ENTPD1: variants seen among roughly 807,000 people sequenced by gnomAD.
ENTPD1 encodes ATP diphosphohydrolase.
A neutral mutation model predicts 57.0 loss-of-function variants in ENTPD1; 33 were observed. The ratio of observed to expected loss-of-function variants is 0.58; its 90% confidence interval spans 0.44 to 0.77. The LOEUF (loss-of-function observed/expected upper bound fraction) is 0.77. ENTPD1 is among the 30% of genes least tolerant of loss of function. The pLI, the probability that ENTPD1 is intolerant of heterozygous loss-of-function variation, is 0.00. For synonymous variants in ENTPD1, 202 were observed against 218.8 expected (o/e 0.92, Z 0.68); for missense variants, 501 against 603.4 (o/e 0.83, Z 1.78).
chr10:95,752,665 CA>C (rs1232608158), upstream of ENTPD1, among the ~76,000 whole-genome samples: 7 of 150,262 alleles, frequency 4.7e-5, no homozygotes, highest in South Asian at 2.1e-4. Flanking sequence ...AACTCTGTCT[CA>C]AAAAAAAAGT....
intron 2 of ENTPD1, among the ~76,000 whole-genome samples, chr10:95,837,727 CTA>C (rs1461824213): frequency 2.0e-5 from 3 of 152,092 alleles, no homozygotes; most frequent in African/African-American, 7.2e-5. Context: ...TTAGCTTTTC[CTA>C]GTGGTCCAGG....
intron 1 of ENTPD1, among the ~76,000 whole-genome samples, chr10:95,815,375 T>G (rs2098326497): frequency 6.6e-6 from 1 of 152,212 alleles, no homozygotes; most frequent in African/African-American, 2.4e-5. Flanking sequence ...GTCTCAGCCT[T>G]TTGTCACTTA....
At chr10:95,829,953 T>C (rs1197459998) in intron 2 of ENTPD1, among the ~76,000 whole-genome samples, 1 of 152,142 alleles carries the variant, frequency 6.6e-6, no homozygotes, top group Non-Finnish European at 1.5e-5. Context: ...AAAGCTAGTT[T>C]GGCTCTCAGT....
intron 1 of ENTPD1, among the ~76,000 whole-genome samples, chr10:95,767,778 T>C (rs1443247006): frequency 6.6e-6 from 1 of 152,150 alleles, no homozygotes; most frequent in Non-Finnish European, 1.5e-5. Context: ...TATTCCTCCA[T>C]TGTCTTGAGA....
At chr10:95,698,008 C>T in the ENTPD1 span, among the ~76,000 whole-genome samples, 3 of 152,096 alleles carry the variant, frequency 2.0e-5, no homozygotes, top group Non-Finnish European at 4.4e-5. Flanking sequence ...TCTGGCGAGA[C>T]TCAGAAAACA....
chr10:95,778,862 A>G (rs909096846), intron 1 of ENTPD1, among the ~76,000 whole-genome samples: 4 of 151,842 alleles, frequency 2.6e-5, no homozygotes, highest in African/African-American at 7.3e-5. Context: ...ATCTTACTTA[A>G]TCTTCACTCA....
chr10:95,712,732 C>T (rs2097967015), intron 1 of ENTPD1, among the ~76,000 whole-genome samples: 1 of 152,078 alleles, frequency 6.6e-6, no homozygotes, highest in Non-Finnish European at 1.5e-5. Flanking sequence ...GCACAAACAC[C>T]AGCCTTAATA....
chr10:95,828,599 C>T lies in ENTPD1; in HGVS notation c.144+5235C>T, dbSNP rs145613474. On this transcript the variant is annotated intron_variant, in intron 2 of 9. Transcript: ENST00000371205. ...AAGGGTGAATAGGGAAAGAATTCCT[C>T]CTAAGGCATAATGATAACATTATTT... Among the ~76,000 whole-genome samples, 5 of 152,190 alleles carry T rather than the reference C, an allele frequency of 3.3e-5. No individual in the cohort carries two copies. In the East Asian group the frequency reaches 9.7e-4, roughly 29 times the overall value.
chr10:95,781,001 A>T (rs960251341), intron 1 of ENTPD1, among the ~76,000 whole-genome samples: 16 of 152,230 alleles, frequency 1.1e-4, no homozygotes, highest in Admixed American at 9.8e-4. Context: ...TAAGATTTGG[A>T]AGCAACCTAA....
chr10:95,719,035 G>A (rs964735155), intron 1 of ENTPD1, among the ~76,000 whole-genome samples: 1 of 152,212 alleles, frequency 6.6e-6, no homozygotes, highest in Admixed American at 6.5e-5. Context: ...TCCTTTAGCA[G>A]TGAGTATGCT....
At chr10:95,843,915 T>TAGGTCTCA (rs1381717631) in intron 4 of ENTPD1, among the ~76,000 whole-genome samples, 1 of 152,218 alleles carries the variant, frequency 6.6e-6, no homozygotes, top group East Asian at 1.9e-4. Flanking sequence ...ATTCCTTCTT[T>TAGGTCTCA]AGGTCTCAAG....
At chr10:95,714,630 CCAAA>C (rs2097969471) in intron 1 of ENTPD1, among the ~76,000 whole-genome samples, 3 of 152,224 alleles carry the variant, frequency 2.0e-5, no homozygotes, top group South Asian at 2.1e-4. Flanking sequence ...ATGTATTATA[CCAAA>C]CAGAGATGAA....
intron 1 of ENTPD1, among the ~76,000 whole-genome samples, chr10:95,719,690 G>A (rs1011043934): frequency 6.6e-6 from 1 of 152,132 alleles, no homozygotes. Context: ...GTTTCTGAAC[G>A]GGCGGCTAAA....
At chr10:95,765,454 T>C (rs760106157) in intron 1 of ENTPD1, among the ~76,000 whole-genome samples, 4 of 152,184 alleles carry the variant, frequency 2.6e-5, no homozygotes, top group Non-Finnish European at 5.9e-5. Context: ...TATTATTTTC[T>C]CCAGTGAATT....
chr10:95,803,199 T>C (rs1174071980), intron 1 of ENTPD1, among the ~76,000 whole-genome samples: 6 of 152,176 alleles, frequency 3.9e-5, no homozygotes, highest in Admixed American at 6.5e-5. Context: ...GCATGGAATG[T>C]TTTTCCATTT....
At chr10:95,755,708 A>C, upstream of ENTPD1, 1 of 1,537,208 alleles carries the variant, frequency 6.5e-7, no homozygotes, top group Non-Finnish European at 8.7e-7. Context: ...ATGGGACCAG[A>C]GGCTTTATGG....
At chr10:95,698,551 G>T in the ENTPD1 span, among the ~76,000 whole-genome samples, 88 of 152,330 alleles carry the variant, frequency 5.8e-4, no homozygotes, top group South Asian at 0.017. Flanking sequence ...AGATCCCAAA[G>T]GCATTTCAAA....
Position 95,866,824 on chromosome 10 carries a change from A to G in ENTPD1, c.*441A>G. 1.9e-6 allele frequency: 2 copies of G among 1,052,948 alleles called. No homozygotes were observed. Among genetic ancestry groups the G allele is most frequent in the Non-Finnish European group, 2.3e-6 (2 of 870,446 alleles). The allele number at this position is 1,052,948 out of a possible 1,614,324, so 65.2% of individuals were successfully genotyped here. ...CCTTTCTCTCTCCTGTTTGCCATCCATTAAGAAAGCCATATGATGCCTTTG... is the reference window on the plus strand; with the variant it reads ...CCTTTCTCTCTCCTGTTTGCCATCCGTTAAGAAAGCCATATGATGCCTTTG... On this transcript the variant is annotated 3_prime_UTR_variant, in exon 10 of 10. Coordinates refer to ENST00000371205, the MANE Select transcript of ENTPD1 (RefSeq NM_001776.6).
chr10:95,796,198 G>T (rs1220798370), intron 1 of ENTPD1, among the ~76,000 whole-genome samples: 3 of 152,280 alleles, frequency 2.0e-5, no homozygotes, highest in African/African-American at 7.2e-5. Context: ...CAAACCCTTT[G>T]CTGGGCTCTG....
Sources: gnomAD v4.1 joint callset for allele counts (sites outside exome capture counted in the v4.1 genomes callset) on GRCh38, gnomAD v4.1.1 for gene constraint, MANE v1.5 for transcripts, NCBI Gene and HGNC (gene_info 2026-07-23, HGNC 2026-07-21) for gene names.